The following ABCA13 variants were observed in gnomAD, a reference collection of about 807,000 sequenced individuals.
ABCA13 encodes the protein ATP-binding cassette sub-family A member 13.
Under a neutral mutation model 478.7 loss-of-function variants are expected in ABCA13, and 476 were observed. The observed-to-expected ratio is 0.99, with a 90% CI of 0.92 to 1.07. The LOEUF (loss-of-function observed/expected upper bound fraction) is 1.07. Ranked by LOEUF, ABCA13 falls within the 50% of genes least tolerant of loss-of-function variation. The probability of loss-of-function intolerance (pLI) is 0.00; values close to 1 mark genes in which losing one functional copy is unlikely to be tolerated. For missense variants in ABCA13, 6,060 were observed against 5,910.6 expected (o/e 1.03, Z -0.83); for synonymous variants, 2,252 against 2,158.9 (o/e 1.04, Z -1.20).
At chr7:48,368,687 G>GTGTATATATATA (rs1350848715) in intron 32 of ABCA13, among the ~76,000 whole-genome samples, 1 of 122,740 alleles carries the variant, frequency 8.1e-6, no homozygotes, top group African/African-American at 3.1e-5. Context: ...GTGTGTATGT[G>GTGTATATATATA]TATATATATA....
chr7:48,554,428 T>C (rs1329018702), intron 55 of ABCA13, among the ~76,000 whole-genome samples: 2 of 152,094 alleles, frequency 1.3e-5, no homozygotes, highest in South Asian at 4.1e-4. Flanking sequence ...ATGGATATTC[T>C]AACAATATTG....
intron 20 of ABCA13, among the ~76,000 whole-genome samples, chr7:48,293,022 A>T (rs1453864333): frequency 6.6e-6 from 1 of 152,230 alleles, no homozygotes. Context: ...TATAAAATGA[A>T]TGACAATAAT....
At position 48,406,714 on chromosome 7, in the gene ABCA13, A is replaced by T. The variant is rs565421223; in HGVS notation, c.12070+2835A>T. 5.9e-5 allele frequency among the ~76,000 whole-genome samples: 9 copies of T among 152,100 alleles called. No homozygotes were observed. In the South Asian group the frequency reaches 1.7e-3, roughly 28 times the overall value. ...ATGATGAAACCCTGTCTCTACTAAA[A>T]ATACAAAAATTAGCTGGGCATGGTG... On this transcript the variant is annotated intron_variant, in intron 39 of 61. Transcript: ENST00000435803.
At chr7:48,258,842 AT>A (rs1793773394) in intron 15 of ABCA13, among the ~76,000 whole-genome samples, 1 of 152,076 alleles carries the variant, frequency 6.6e-6, no homozygotes, top group Non-Finnish European at 1.5e-5. Flanking sequence ...AGAATTTTAT[AT>A]TTCTGCCTTA....
At chr7:48,203,069 C>T (rs921835274) in intron 3 of ABCA13, among the ~76,000 whole-genome samples, 2 of 152,240 alleles carry the variant, frequency 1.3e-5, no homozygotes, top group Admixed American at 6.5e-5. Flanking sequence ...GGGAAGGCAG[C>T]TAAGGCCCGG....
intron 52 of ABCA13, among the ~76,000 whole-genome samples, chr7:48,519,218 G>C (rs1832353763): frequency 1.3e-5 from 2 of 152,138 alleles, no homozygotes; most frequent in African/African-American, 2.4e-5. Flanking sequence ...GGGCATTTGG[G>C]TTGATTCCAC....
In ABCA13 at chr7:48,279,437, A is replaced by G. The variant is rs1202470341; in HGVS notation, c.8243A>G (p.Lys2748Arg). 1 of 1,606,504 alleles carries G rather than the reference A, an allele frequency of 6.2e-7. No homozygotes were observed. Among genetic ancestry groups the G allele is most frequent in the South Asian group, 1.1e-5 (1 of 90,024 alleles). The change falls in exon 18 of 62, where the codon AAA becomes AGA. Residue 2748 changes from lysine (K) to arginine (R), a missense_variant. Physicochemically the swap from Lys to Arg is conservative, Grantham distance 26. Around this residue, in one of 3 missense-constraint regions of ABCA13, gnomAD observed 4,423 missense variants for 4,309.1 expected, o/e 1.03. Coordinates refer to ENST00000435803, the MANE Select transcript of ABCA13 (RefSeq NM_152701.5). ...VICLTLEALW[K>R]NLKKDNWNVS... ...TGTCTCACCTTAGAAGCTCTTTGGAAAAACTTAAAGAAAGATAATTGGAAT... is the reference window on the plus strand; with the variant it reads ...TGTCTCACCTTAGAAGCTCTTTGGAGAAACTTAAAGAAAGATAATTGGAAT...
chr7:48,396,520 A>C (rs938241615), intron 38 of ABCA13, among the ~76,000 whole-genome samples: 8 of 152,166 alleles, frequency 5.3e-5, no homozygotes, highest in Non-Finnish European at 1.0e-4. Flanking sequence ...TCTCAGATGC[A>C]AAGTGCCTTC....
chr7:48,222,016 G>T (rs948111948), intron 5 of ABCA13, among the ~76,000 whole-genome samples: 2 of 152,190 alleles, frequency 1.3e-5, no homozygotes, highest in African/African-American at 4.8e-5. Context: ...ATATGTGTCT[G>T]TATCTGTTTA....
intron 41 of ABCA13, among the ~76,000 whole-genome samples, chr7:48,416,418 G>T (rs754512572): frequency 6.6e-6 from 1 of 152,086 alleles, no homozygotes; most frequent in Non-Finnish European, 1.5e-5. Flanking sequence ...GCAGGGCCAC[G>T]GGGAGTGGTT....
intron 29 of ABCA13, among the ~76,000 whole-genome samples, chr7:48,347,696 C>T (rs1427356120): frequency 6.6e-6 from 1 of 152,184 alleles, no homozygotes; most frequent in African/African-American, 2.4e-5. Flanking sequence ...CTGGAAAGTC[C>T]CCTGCCACAC....
intron 55 of ABCA13, among the ~76,000 whole-genome samples, chr7:48,539,472 A>G (rs1249950864): frequency 6.6e-6 from 1 of 152,178 alleles, no homozygotes; most frequent in African/African-American, 2.4e-5. Context: ...TTGGCTACTC[A>G]GAGGTACAGT....
At chr7:48,517,286 G>A (rs778172819) in intron 52 of ABCA13, among the ~76,000 whole-genome samples, 15 of 152,064 alleles carry the variant, frequency 9.9e-5, no homozygotes, top group Non-Finnish European at 1.8e-4. Flanking sequence ...GATAGAATGG[G>A]CCACACAACA....
intron 58 of ABCA13, among the ~76,000 whole-genome samples, chr7:48,607,145 TG>T (rs1476491187): frequency 2.0e-5 from 3 of 151,842 alleles, no homozygotes; most frequent in Non-Finnish European, 4.4e-5. Flanking sequence ...CTGGGCTCTG[TG>T]GGGGTGGGAC....
rs371852868 is a variant in ABCA13 at position 48,486,396 on chromosome 7, T to C, written c.13183-2840T>C. ...GCACCATTTCCATCTTTGAAGTTAA[T>C]ACAGGTGACATTACCCACTGTTTTC... On this transcript the variant is annotated intron_variant, in intron 47 of 61. Transcript: ENST00000435803. Among the ~76,000 whole-genome samples the C allele has an allele frequency of 1.2e-4, 19 of 152,354 alleles. 1 individual carries two copies. In the South Asian group the frequency reaches 3.7e-3, roughly 30 times the overall value.
chr7:48,354,143 T>C (rs1431690950), intron 31 of ABCA13, among the ~76,000 whole-genome samples: 4 of 151,896 alleles, frequency 2.6e-5, no homozygotes, highest in African/African-American at 9.7e-5. Context: ...AGCCGAAGTT[T>C]TATTATGCTC....
chr7:48,358,137 G>A (rs557583984), intron 31 of ABCA13, among the ~76,000 whole-genome samples: 32 of 145,482 alleles, frequency 2.2e-4, no homozygotes, highest in Admixed American at 4.8e-4. Flanking sequence ...AGCAAACTCC[G>A]TCTCAAAGAA....
intron 55 of ABCA13, among the ~76,000 whole-genome samples, chr7:48,564,582 C>T (rs990594064): frequency 1.3e-5 from 2 of 151,798 alleles, no homozygotes; most frequent in African/African-American, 4.8e-5. Flanking sequence ...CTAAAAATAT[C>T]AGCCAGGTAG....
intron 1 of ABCA13, among the ~76,000 whole-genome samples, chr7:48,172,729 C>A (rs920721329): frequency 6.3e-5 from 8 of 126,978 alleles, no homozygotes; most frequent in Admixed American, 5.7e-4. Flanking sequence ...ACCCGGGAGG[C>A]GGAGCTTGCA....
Sources: gnomAD v4.1 joint callset for allele counts (sites outside exome capture counted in the v4.1 genomes callset) on GRCh38, gnomAD v4.1.1 for gene constraint, gnomAD v4.1.1 regional missense constraint, MANE v1.5 for transcripts, NCBI Gene and HGNC (gene_info 2026-07-23, HGNC 2026-07-21) for gene names.